Variants in SRCIN1 observed in about 807,000 individuals in gnomAD.
The protein encoded by SRCIN1 is P130Cas-associated protein.
In SRCIN1, 50 loss-of-function variants were observed where a neutral mutation model predicts 116.2. The observed-to-expected ratio is 0.43, with a 90% CI of 0.34 to 0.54. The LOEUF (loss-of-function observed/expected upper bound fraction) is 0.54. Ranked by LOEUF, SRCIN1 falls within the 20% of genes least tolerant of loss-of-function variation. The pLI is 0.02. For synonymous variants in SRCIN1, 736 were observed against 750.0 expected (o/e 0.98, Z 0.30); for missense variants, 1,446 against 1,672.0 (o/e 0.86, Z 2.36).
At chr17:38,598,808 T>C (rs1430338124) in intron 1 of SRCIN1, among the ~76,000 whole-genome samples, 1 of 152,004 alleles carries the variant, frequency 6.6e-6, no homozygotes, top group Non-Finnish European at 1.5e-5. Context: ...TGGATTATAG[T>C]CCCCGGATGG....
intron 18 of SRCIN1, among the ~76,000 whole-genome samples, chr17:38,534,197 G>C (rs978418035): frequency 6.6e-6 from 1 of 152,158 alleles, no homozygotes; most frequent in African/African-American, 2.4e-5. Context: ...CAACTCCACC[G>C]GTCCTGGAGG....
chr17:38,596,450 G>A lies in SRCIN1; in HGVS notation c.22+9234C>T, dbSNP rs558498665. Among the ~76,000 whole-genome samples the A allele has an allele frequency of 9.2e-5, 14 of 152,210 alleles. No homozygotes were observed. In the South Asian group the frequency reaches 2.9e-3, roughly 32 times the overall value. On this transcript the variant is annotated intron_variant, in intron 1 of 18. Transcript: ENST00000617146. The stretch of plus-strand genomic sequence containing the variant: ...AGCAGGACAACACAGAAAACATGGG[G>A]TCCCCAGAACTGGGTTCCCAGGACA...
intron 1 of SRCIN1, among the ~76,000 whole-genome samples, chr17:38,583,061 C>A (rs1352174942): frequency 3.3e-5 from 5 of 152,106 alleles, no homozygotes; most frequent in Non-Finnish European, 4.4e-5. Context: ...TTTCTGAGAC[C>A]CCAGGCTAGC....
In SRCIN1 at chr17:38,568,416, A is replaced by G. The variant is rs1347477835; in HGVS notation, c.325-185T>C. Among the ~76,000 whole-genome samples, 1 of 152,176 alleles carries G rather than the reference A, an allele frequency of 6.6e-6. No individual in the cohort carries two copies. The highest frequency in any genetic ancestry group is 6.5e-5 in the Admixed American group (1 of 15,290). On this transcript the variant is annotated intron_variant, in intron 2 of 18. Coordinates refer to ENST00000617146, the MANE Select transcript of SRCIN1 (RefSeq NM_025248.3). The surrounding 1 kb of genome is among the most constrained non-coding windows in gnomAD (Gnocchi z 4.5). ...ATTCTCTACTGAGACCTGGAACACCATGGTGTACCCAGGATGGCCCTGAGC... is the reference window on the plus strand; with the variant it reads ...ATTCTCTACTGAGACCTGGAACACCGTGGTGTACCCAGGATGGCCCTGAGC...
chr17:38,564,766 C>T (rs891325752), intron 3 of SRCIN1, among the ~76,000 whole-genome samples: 18 of 53,584 alleles, frequency 3.4e-4, no homozygotes, highest in African/African-American at 1.1e-3. Flanking sequence ...GGGGTGGGGG[C>T]GGGAAGCAGG....
chr17:38,566,135 G>A (rs887065154), intron 3 of SRCIN1, among the ~76,000 whole-genome samples: 3 of 152,174 alleles, frequency 2.0e-5, no homozygotes, highest in Non-Finnish European at 2.9e-5. Flanking sequence ...AGCCAGCAAC[G>A]ATGAAGAGTA....
At chr17:38,569,194 A>G (rs1281850733) in intron 2 of SRCIN1, among the ~76,000 whole-genome samples, 1 of 152,180 alleles carries the variant, frequency 6.6e-6, no homozygotes, top group Admixed American at 6.5e-5. Context: ...GCAGTAACCC[A>G]GGGTCACCCT....
intron 1 of SRCIN1, among the ~76,000 whole-genome samples, chr17:38,581,205 G>A (rs1319609418): frequency 6.6e-6 from 1 of 152,084 alleles, no homozygotes; most frequent in African/African-American, 2.4e-5. Context: ...AGGAGTTCGA[G>A]ACCAGCCTGA....
chr17:38,580,833 C>A (rs1907745910), intron 1 of SRCIN1, among the ~76,000 whole-genome samples: 1 of 152,126 alleles, frequency 6.6e-6, no homozygotes, highest in Non-Finnish European at 1.5e-5. Context: ...CTCTTCCTTC[C>A]TCTTTTTTTC....
rs1480401850 is a variant in SRCIN1 at position 38,558,767 on chromosome 17, T to C, written c.2026-365A>G. Among the ~76,000 whole-genome samples, 1 of 151,918 alleles carries C rather than the reference T, an allele frequency of 6.6e-6. No individual in the cohort carries two copies. Among genetic ancestry groups the C allele is most frequent in the Non-Finnish European group, 1.5e-5 (1 of 67,974 alleles). On this transcript the variant is annotated intron_variant, in intron 10 of 18. Transcript: ENST00000617146. This position sits in a 1 kb window ranked among gnomAD's most constrained non-coding sequence, Gnocchi z 4.6. ...GGGCAAGGTTAAGTTCTGGGGAATA[T>C]GAGGCAGGAGAAGGGGTTGGGAATA... is the stretch of plus-strand genomic sequence containing the variant.
Position 38,563,283 on chromosome 17 carries a change from G to C in SRCIN1, c.740+40C>G, listed in dbSNP as rs775603933. On this transcript the variant is annotated intron_variant, in intron 5 of 18. Transcript: ENST00000617146. This position sits in a 1 kb window ranked among gnomAD's most constrained non-coding sequence, Gnocchi z 5.8. The stretch of plus-strand genomic sequence containing the variant: ...GTCCAGCACCCTGCAGAGGAGGAGC[G>C]TGGGGAAGCCCACCCAAATCCCCCC... The C allele has an allele frequency of 2.6e-5, 40 of 1,551,056 alleles. No individual in the cohort carries two copies. The highest frequency in any genetic ancestry group is 3.4e-5 in the Non-Finnish European group (39 of 1,146,896).
In SRCIN1 at chr17:38,563,499, C is replaced by T; in HGVS notation, c.564G>A (p.Gly188=). The T allele has an allele frequency of 6.4e-7, 1 of 1,552,132 alleles. No homozygotes were observed. The highest frequency in any genetic ancestry group is 8.7e-7 in the Non-Finnish European group (1 of 1,147,752). Residue 188 remains glycine (G), a synonymous_variant, in exon 5 of 19, where the codon GGG becomes GGA. Coordinates refer to ENST00000617146, the MANE Select transcript of SRCIN1 (RefSeq NM_025248.3). This position sits in a 1 kb window ranked among gnomAD's most constrained non-coding sequence, Gnocchi z 5.8. ...RSPGVLFLQF[G]EETRRVHITH... ...TGATGTGCACGCGCCGAGTCTCCTC[C>T]CCGAACTGCAGGAACAGCACCCCTG...
chr17:38,558,395 T>A lies in SRCIN1; in HGVS notation c.2033A>T (p.Asn678Ile), dbSNP rs753803410. 6.3e-7 allele frequency: 1 copy of A among 1,599,780 alleles called. No individual in the cohort carries two copies. The highest frequency in any genetic ancestry group is 1.7e-5 in the Admixed American group (1 of 59,028). ...LQQLRKLQLQ[N>I]QESVRALLKR... ...CAGCAGCGCGCGCACCGACTCCTGG[T>A]TCTGTAGCTGCGGGACGCACGGACG... The change falls in exon 11 of 19, where the codon AAC becomes ATC. Residue 678 changes from asparagine (N) to isoleucine (I), a missense_variant. Around this residue, in one of 5 missense-constraint regions of SRCIN1, gnomAD observed 398 missense variants for 385.6 expected, o/e 1.03. Transcript: ENST00000617146. The surrounding 1 kb of genome is among the most constrained non-coding windows in gnomAD (Gnocchi z 4.6).
chr17:38,607,000 A>G (rs1181571425), upstream of SRCIN1, among the ~76,000 whole-genome samples: 1 of 152,138 alleles, frequency 6.6e-6, no homozygotes, highest in East Asian at 1.9e-4. This position sits in a 1 kb window ranked among gnomAD's most constrained non-coding sequence, Gnocchi z 5.2. Flanking sequence ...CAGTACTTCT[A>G]TTCACTGTGG....
chr17:38,559,599 A>G lies in SRCIN1; in HGVS notation c.2011T>C (p.Leu671=), dbSNP rs768997769. 1.2e-5 allele frequency: 20 copies of G among 1,601,028 alleles called. No individual in the cohort carries two copies. The highest frequency in any genetic ancestry group is 1.4e-5 in the Non-Finnish European group (17 of 1,179,360). Residue 671 remains leucine (L), a synonymous_variant, in exon 10 of 19, where the codon TTG becomes CTG. Transcript: ENST00000617146. Reference sequence around the variant, plus strand: ...CGGGGCGGTACCTGGAGCTTGCGCAACTGCTGGAGCTGGCCGCGCAAGTCA... The same window carrying G: ...CGGGGCGGTACCTGGAGCTTGCGCAGCTGCTGGAGCTGGCCGCGCAAGTCA... ...ASDLRGQLQQ[L]RKLQLQNQES...
chr17:38,543,110 C>T (rs930791718), intron 18 of SRCIN1: 27 of 456,648 alleles, frequency 5.9e-5, no homozygotes, highest in Admixed American at 5.9e-4. Flanking sequence ...CCACTCTCCA[C>T]ACAGCCTCCG....
Position 38,558,487 on chromosome 17 carries a change from A to G in SRCIN1, c.2026-85T>C, listed in dbSNP as rs540322519. The G allele has an allele frequency of 9.5e-6, 14 of 1,467,658 alleles. No homozygotes were observed. Among genetic ancestry groups the G allele is most frequent in the Non-Finnish European group, 1.3e-5 (14 of 1,101,620 alleles). 90.9% of individuals were successfully genotyped at this position (1,467,658 alleles called of 1,614,324 possible). On this transcript the variant is annotated intron_variant, in intron 10 of 18. Coordinates refer to ENST00000617146, the MANE Select transcript of SRCIN1 (RefSeq NM_025248.3). This position sits in a 1 kb window ranked among gnomAD's most constrained non-coding sequence, Gnocchi z 4.6. Reference sequence around the variant, plus strand: ...AGGGCCGGGAGAAGGCGGGTAGAGGACTGCCCAATCCAGGGCGGGGCTCTG... The same window carrying G: ...AGGGCCGGGAGAAGGCGGGTAGAGGGCTGCCCAATCCAGGGCGGGGCTCTG...
chr17:38,562,631 T>G lies in SRCIN1; in HGVS notation c.834+196A>C, dbSNP rs1906349846. On this transcript the variant is annotated intron_variant, in intron 6 of 18. Coordinates refer to ENST00000617146, the MANE Select transcript of SRCIN1 (RefSeq NM_025248.3). The surrounding 1 kb of genome is among the most constrained non-coding windows in gnomAD (Gnocchi z 4.2). ...GGGCTTAGAATATCTGGAGGCAAGT[T>G]AGCAAAATCCCGAGTGGACAGGCCC... Among the ~76,000 whole-genome samples, 1 of 152,142 alleles carries G rather than the reference T, an allele frequency of 6.6e-6. No homozygotes were observed. The highest frequency in any genetic ancestry group is 6.5e-5 in the Admixed American group (1 of 15,280).
intron 1 of SRCIN1, among the ~76,000 whole-genome samples, chr17:38,582,970 C>G (rs754038175): frequency 2.0e-5 from 3 of 152,182 alleles, no homozygotes; most frequent in Non-Finnish European, 4.4e-5. Context: ...ATTTTAACTC[C>G]TTCAGCAGGC....
Sources: allele counts gnomAD v4.1 joint callset (sites outside exome capture counted in the v4.1 genomes callset), GRCh38; gene constraint gnomAD v4.1.1; regional missense constraint gnomAD v4.1.1; non-coding constraint Gnocchi (gnomAD v3.1); transcripts MANE v1.5; gene names NCBI Gene and HGNC (gene_info 2026-07-23, HGNC 2026-07-21).